Variants in COQ8B observed in about 807,000 individuals in gnomAD.
COQ8B encodes the protein coenzyme Q8B.
Under a neutral mutation model 62.0 loss-of-function variants are expected in COQ8B, and 44 were observed. That is an observed-to-expected ratio of 0.71 (90% CI 0.56 to 0.91). COQ8B has a LOEUF of 0.91. Among genes scored for constraint, COQ8B ranks in the 40% least tolerant of loss-of-function variants. COQ8B has a pLI of 0.00. For missense variants in COQ8B, 649 were observed against 731.6 expected (o/e 0.89, Z 1.30); for synonymous variants, 252 against 289.9 (o/e 0.87, Z 1.33).
chr19:40,692,229 G>A lies in COQ8B; in HGVS notation c.1441C>T (p.Pro481Ser). 1.2e-6 allele frequency: 2 copies of A among 1,608,638 alleles called. No homozygotes were observed. The highest frequency in any genetic ancestry group is 1.7e-6 in the Non-Finnish European group (2 of 1,177,542). ...TGCAGGGCATAGGTCTCCTCGGGTG[G>A]GGGACACAGCCGGTGCCGCAGCAGC... ...PVLLRHRLCP[P>S]PEETYALHRK... Residue 481 changes from proline to serine, a missense_variant, in exon 15 of 15, where the codon CCA becomes TCA. Pro to Ser is a moderately conservative substitution (Grantham distance 74). Coordinates refer to ENST00000324464, the MANE Select transcript of COQ8B (RefSeq NM_024876.4).
intron 4 of COQ8B, among the ~76,000 whole-genome samples, chr19:40,712,004 T>C (rs2082145500): frequency 6.6e-6 from 1 of 151,960 alleles, no homozygotes; most frequent in Admixed American, 6.6e-5. Context: ...AGACTGTGAA[T>C]CTATCTATGT....
chr19:40,702,575 G>A, intron 10 of COQ8B, 25 bp downstream of exon 10: 1 of 1,611,494 alleles, frequency 6.2e-7, no homozygotes. Flanking sequence ...GAGGGAAGGA[G>A]GGAAGCTCAG....
intron 5 of COQ8B, among the ~76,000 whole-genome samples, chr19:40,708,930 C>A (rs1458014251): frequency 2.1e-5 from 3 of 144,784 alleles, no homozygotes; most frequent in Admixed American, 6.9e-5. Context: ...ACCCTGTCTC[C>A]AAAAAAAAAA....
rs749631695 is a variant in COQ8B, at chr19:40,692,153, A to C, written c.1517T>G (p.Ile506Ser). Residue 506 changes from isoleucine to serine, a missense_variant, in exon 15 of 15, where the codon ATC (isoleucine) becomes AGC (serine). Coordinates refer to ENST00000324464, the MANE Select transcript of COQ8B (RefSeq NM_024876.4). ...GTCCTGGAAGAGGTCCCTGCAGGCG[A>C]TGTGGGCTCGGAGGTGGGCACAGGC... ...FLACAHLRAH[I>S]ACRDLFQDTY... The C allele has an allele frequency of 2.5e-6, 4 of 1,599,532 alleles. No homozygotes were observed. In the South Asian group the frequency reaches 4.5e-5, roughly 18 times the overall value.
intron 4 of COQ8B, among the ~76,000 whole-genome samples, chr19:40,712,413 A>T: frequency 9.8e-6 from 1 of 101,886 alleles, no homozygotes; most frequent in African/African-American, 5.2e-5. Flanking sequence ...TCTCCCTAAG[A>T]AAAAAAAAAA....
intron 13 of COQ8B, among the ~76,000 whole-genome samples, chr19:40,695,077 G>A (rs2082003431): frequency 3.3e-5 from 5 of 152,288 alleles, no homozygotes; most frequent in Admixed American, 3.3e-4. Flanking sequence ...CAGCACTTTG[G>A]GAGGCCAAGG....
intron 5 of COQ8B, among the ~76,000 whole-genome samples, chr19:40,707,571 C>T (rs2082110237): frequency 6.6e-6 from 1 of 152,042 alleles, no homozygotes; most frequent in African/African-American, 2.4e-5. Flanking sequence ...CTGCCTTACC[C>T]CCCACCCAAG....
chr19:40,715,567 T>C (rs531212973), intron 1 of COQ8B: 4 of 985,554 alleles, frequency 4.1e-6, no homozygotes, highest in Non-Finnish European at 4.8e-6. Flanking sequence ...CCTCCTTCCT[T>C]GTGCATATAA....
chr19:40,709,813 G>A (rs528787979), intron 5 of COQ8B, among the ~76,000 whole-genome samples: 134 of 152,130 alleles, frequency 8.8e-4, no homozygotes, highest in African/African-American at 3.1e-3. Flanking sequence ...TTGTACTCCA[G>A]CCTGAGCGAC....
At chr19:40,701,243 C>T (rs576898113) in intron 10 of COQ8B, 2 of 152,348 alleles carry the variant, frequency 1.3e-5, no homozygotes, top group South Asian at 4.1e-4. Context: ...GTGGGAAAAT[C>T]ACTTGAGCCT....
intron 12 of COQ8B, 31 bp downstream of exon 12, chr19:40,700,036 T>C (rs376533654): frequency 4.3e-5 from 69 of 1,586,724 alleles, no homozygotes; most frequent in Non-Finnish European, 5.6e-5. Flanking sequence ...CAACAGCAAA[T>C]GTACCCAGAC....
intron 7 of COQ8B, 191 bp downstream of exon 7, chr19:40,704,904 AG>A: frequency 1.8e-6 from 1 of 561,444 alleles, no homozygotes; most frequent in Admixed American, 3.4e-5. Flanking sequence ...AAGCACAGAG[AG>A]GTCAGGCTGC....
intron 13 of COQ8B, among the ~76,000 whole-genome samples, chr19:40,695,329 AAAAAAAG>A (rs1325995520): frequency 6.6e-6 from 1 of 151,984 alleles, no homozygotes; most frequent in African/African-American, 2.4e-5. Context: ...ATTAAAAAAA[AAAAAAAG>A]AAAAGAAAAA....
rs2081986089 is a variant in COQ8B at position 40,693,005 on chromosome 19, G to A, written c.1242C>T (p.Asp414=). The change falls in exon 14 of 15, where the codon GAC becomes GAT. Residue 414 remains aspartate, a synonymous_variant. Coordinates refer to ENST00000324464, the MANE Select transcript of COQ8B (RefSeq NM_024876.4). ...VVKAAADGDR[D]CVLQKSRDLK... ...GGTCCCTGGACTTCTGCAGGACACA[G>A]TCTCTGTCTCCATCAGCTGCAGCCT... 1 of 1,613,988 alleles carries A rather than the reference G, an allele frequency of 6.2e-7. No homozygotes were observed. Among genetic ancestry groups the A allele is most frequent in the Non-Finnish European group, 8.5e-7 (1 of 1,179,926 alleles).
At position 40,692,176 on chromosome 19, in the gene COQ8B, G is replaced by T. The variant is rs760132974; in HGVS notation, c.1494C>A (p.Ala498=). The change falls in exon 15 of 15, where the codon GCC becomes GCA. Residue 498 remains alanine, a synonymous_variant. Coordinates refer to ENST00000324464, the MANE Select transcript of COQ8B (RefSeq NM_024876.4). ...LHRKLAGAFL[A]CAHLRAHIAC... ...CGATGTGGGCTCGGAGGTGGGCACAGGCCAGGAAAGCCCCTGCCAGCTTGC... is the reference window on the plus strand; with the variant it reads ...CGATGTGGGCTCGGAGGTGGGCACATGCCAGGAAAGCCCCTGCCAGCTTGC... The T allele has an allele frequency of 5.8e-5, 93 of 1,595,846 alleles. No individual in the cohort carries two copies. The Middle Eastern group carries it at 8.3e-4, about 14-fold the overall frequency.
At chr19:40,698,625 A>G (rs1469158810) in intron 12 of COQ8B, among the ~76,000 whole-genome samples, 1 of 152,104 alleles carries the variant, frequency 6.6e-6, no homozygotes, top group African/African-American at 2.4e-5. Flanking sequence ...TCCCTGGGGT[A>G]TGAACCTAGG....
intron 5 of COQ8B, among the ~76,000 whole-genome samples, chr19:40,707,200 T>C (rs930710747): frequency 2.7e-5 from 4 of 150,868 alleles, no homozygotes; most frequent in Middle Eastern, 3.4e-3. Context: ...ACCCAGGAGG[T>C]AGAGGTTACA....
intron 4 of COQ8B, among the ~76,000 whole-genome samples, chr19:40,713,138 G>C (rs2082155025): frequency 6.6e-6 from 1 of 152,228 alleles, no homozygotes; most frequent in Non-Finnish European, 1.5e-5. Context: ...GAAGTGGGTG[G>C]ATCACTTGAG....
intron 4 of COQ8B, among the ~76,000 whole-genome samples, chr19:40,710,647 C>A (rs2082133834): frequency 6.6e-6 from 1 of 152,130 alleles, no homozygotes; most frequent in Non-Finnish European, 1.5e-5. Context: ...TTTCTTTAAC[C>A]CTTTCTCCAT....
Sources: gnomAD v4.1 joint callset for allele counts (sites outside exome capture counted in the v4.1 genomes callset) on GRCh38, gnomAD v4.1.1 for gene constraint, MANE v1.5 for transcripts, NCBI Gene and HGNC (gene_info 2026-07-23, HGNC 2026-07-21) for gene names.